MAG: variants seen among roughly 807,000 people sequenced by gnomAD.
MAG encodes myelin-associated glycoprotein.
MAG carries 30 observed loss-of-function variants against 60.7 expected under a neutral mutation model. The ratio of observed to expected loss-of-function variants is 0.49; its 90% confidence interval spans 0.37 to 0.67. MAG has a LOEUF of 0.67. Among genes scored for constraint, MAG ranks in the 30% least tolerant of loss-of-function variants. MAG has a pLI of 0.00. For missense variants in MAG, 795 were observed against 851.7 expected, an observed-to-expected ratio of 0.93 and a Z score of 0.83; for synonymous variants, 384 against 376.8, an observed-to-expected ratio of 1.02 and a Z score of -0.22.
In MAG at chr19:35,313,596, C is replaced by G; in HGVS notation, c.*142C>G. 1.3e-6 allele frequency: 1 copy of G among 767,928 alleles called. No homozygotes were observed. The highest frequency in any genetic ancestry group is 2.8e-5 in the East Asian group (1 of 35,776). 47.6% of individuals were successfully genotyped at this position (767,928 alleles called of 1,614,324 possible). On this transcript the variant is annotated 3_prime_UTR_variant, in exon 11 of 11. Transcript: ENST00000392213. ...CAGGTGACAGTGAGGTCCTGGGGGC[C>G]TGACCTCCCCCTCCTTCCCAGCTGC...
chr19:35,299,420 G>A, intron 4 of MAG, 134 bp from the exon 5 acceptor site: 2 of 633,408 alleles, frequency 3.2e-6, no homozygotes, highest in South Asian at 4.8e-5. Context: ...TCTGGAGGCA[G>A]GGAGCGGAGG....
At chr19:35,296,049 AGGCCTCCCCGCACCTTCCCCAGCAGGC>A (rs2066396116) in intron 4 of MAG, 68 bp downstream of exon 4, 1 of 1,508,816 alleles carries the variant, frequency 6.6e-7, no homozygotes, top group Admixed American at 2.2e-5. Flanking sequence ...TGTGGCCGGA[AGGCCTCCCCGCACCTTCCCCAGCAGGC>A]CTGGATGGCA....
rs765329481 is a variant in MAG, at chr19:35,295,398, C to T, written c.-11C>T. ...TCTCCCTTTCCAGCGATCACTCACT[C>T]GCTGTACAGAATGATATTCCTCACG... is the stretch of plus-strand genomic sequence containing the variant. On this transcript the variant is annotated 5_prime_UTR_variant, in exon 3 of 11. Coordinates refer to ENST00000392213, the MANE Select transcript of MAG (RefSeq NM_002361.4). This position sits in a 1 kb window ranked among gnomAD's most constrained non-coding sequence, Gnocchi z 5.8. The T allele has an allele frequency of 3.1e-6, 5 of 1,613,768 alleles. No homozygotes were observed. The highest frequency in any genetic ancestry group is 1.6e-4 in the Middle Eastern group (1 of 6,084).
intron 6 of MAG, among the ~76,000 whole-genome samples, chr19:35,301,992 T>C (rs2066452072): frequency 6.6e-6 from 1 of 152,190 alleles, no homozygotes; most frequent in African/African-American, 2.4e-5. Context: ...TGATTTTCCA[T>C]ACCCTCAGCC....
At position 35,310,023 on chromosome 19, in the gene MAG, G is replaced by C. The variant is rs774534161; in HGVS notation, c.1381G>C (p.Val461Leu). The change falls in exon 8 of 11, where the codon GTG becomes CTG. Residue 461 changes from valine to leucine, a missense_variant. Physicochemically the swap from Val to Leu is conservative, Grantham distance 32 (BLOSUM62 1). Coordinates refer to ENST00000392213, the MANE Select transcript of MAG (RefSeq NM_002361.4). ...VTVNESEREF[V>L]YSERSGLVLT... ...CGTGAACGAGAGCGAGCGGGAGTTCGTGTACTCGGAGCGCAGCGGCCTCGT... is the reference window on the plus strand; with the variant it reads ...CGTGAACGAGAGCGAGCGGGAGTTCCTGTACTCGGAGCGCAGCGGCCTCGT... The C allele has an allele frequency of 1.9e-6, 3 of 1,613,964 alleles. No homozygotes were observed. Among genetic ancestry groups the C allele is most frequent in the East Asian group, 2.2e-5 (1 of 44,882 alleles).
intron 10 of MAG, chr19:35,312,540 G>T: frequency 1.8e-6 from 1 of 556,936 alleles, no homozygotes; most frequent in Non-Finnish European, 3.2e-6. Context: ...GCTAGGGGGT[G>T]GAGGGAGGGG....
In MAG at chr19:35,302,543, A is replaced by G. The variant is rs200065400; in HGVS notation, c.1066A>G (p.Ile356Val). 1.2e-6 allele frequency: 2 copies of G among 1,614,216 alleles called. No individual in the cohort carries two copies. Among genetic ancestry groups the G allele is most frequent in the Non-Finnish European group, 1.7e-6 (2 of 1,180,042 alleles). Reference protein sequence around the residue: ...LCSTQSNPDPILTIFKEKQIL... With the variant: ...LCSTQSNPDPVLTIFKEKQIL... Reference sequence around the variant, plus strand: ...CTCCACACAGAGCAACCCGGACCCTATTCTCACCATCTTCAAGGAGAAGCA... The same window carrying G: ...CTCCACACAGAGCAACCCGGACCCTGTTCTCACCATCTTCAAGGAGAAGCA... The change falls in exon 7 of 11, where the codon ATT becomes GTT. Residue 356 changes from isoleucine (I) to valine (V), a missense_variant. Coordinates refer to ENST00000392213, the MANE Select transcript of MAG (RefSeq NM_002361.4).
intron 6 of MAG, among the ~76,000 whole-genome samples, chr19:35,301,888 A>C (rs996894123): frequency 7.1e-6 from 1 of 141,398 alleles, no homozygotes; most frequent in Admixed American, 6.9e-5. Flanking sequence ...TTGACATGCA[A>C]TCTTCCCCCC....
At chr19:35,309,555 C>T (rs886735012) in intron 7 of MAG, among the ~76,000 whole-genome samples, 4 of 152,160 alleles carry the variant, frequency 2.6e-5, no homozygotes, top group Admixed American at 2.0e-4. Flanking sequence ...GCTAGGATTA[C>T]AGCAGTGAGC....
In MAG at chr19:35,295,336, C is replaced by T. The variant is rs752470788; in HGVS notation, c.-23-50C>T. On this transcript the variant is annotated intron_variant, in intron 2 of 10. Coordinates refer to ENST00000392213, the MANE Select transcript of MAG (RefSeq NM_002361.4). The surrounding 1 kb of genome is among the most constrained non-coding windows in gnomAD (Gnocchi z 5.8). Reference sequence around the variant, plus strand: ...GCCCCTTCCTGAAGCCCAGATGGAACACCCCCTTTCACTTCCCCCAGCCTT... The same window carrying T: ...GCCCCTTCCTGAAGCCCAGATGGAATACCCCCTTTCACTTCCCCCAGCCTT... 6 of 1,514,606 alleles carry T rather than the reference C, an allele frequency of 4.0e-6. No individual in the cohort carries two copies. The African/African-American group carries it at 6.8e-5, about 17-fold the overall frequency. The allele number at this position is 1,514,606 out of a possible 1,614,324, so 93.8% of individuals were successfully genotyped here.
Position 35,301,577 on chromosome 19 carries a change from G to A in MAG, c.971-871G>A, listed in dbSNP as rs190409324. Among the ~76,000 whole-genome samples, 13 of 151,950 alleles carry A rather than the reference G, an allele frequency of 8.6e-5. No individual in the cohort carries two copies. The East Asian group carries it at 9.7e-4, about 11-fold the overall frequency. ...CTCCCGAGTAGCTAGAATTATAGGC[G>A]CACACCACCACACCTGGCTAATTTT... is the stretch of plus-strand genomic sequence containing the variant. On this transcript the variant is annotated intron_variant, in intron 6 of 10. Transcript: ENST00000392213.
chr19:35,302,615 C>T lies in MAG; in HGVS notation c.1138C>T (p.Pro380Ser), dbSNP rs201899456. 44 of 1,614,212 alleles carry T rather than the reference C, an allele frequency of 2.7e-5. No homozygotes were observed. Among genetic ancestry groups the T allele is most frequent in the Middle Eastern group, 3.3e-4 (2 of 6,062 alleles). The change falls in exon 7 of 11, where the codon CCG (proline) becomes TCG (serine). Residue 380 changes from proline (P) to serine (S), a missense_variant. Transcript: ENST00000392213. The part of the protein sequence containing the change: ...IYESELQLEL[P>S]AVSPEDDGEY... Reference sequence around the variant, plus strand: ...CGAGAGCGAGCTGCAGCTGGAGCTGCCGGCCGTGTCACCCGAGGATGATGG... The same window carrying T: ...CGAGAGCGAGCTGCAGCTGGAGCTGTCGGCCGTGTCACCCGAGGATGATGG...
rs1480468631 is a variant in MAG, at chr19:35,302,633, G to A, written c.1156G>A (p.Asp386Asn). ...QLELPAVSPE[D>N]DGEYWCVAEN... Reference sequence around the variant, plus strand: ...GGAGCTGCCGGCCGTGTCACCCGAGGATGATGGAGAGTACTGGTGTGTGGC... The same window carrying A: ...GGAGCTGCCGGCCGTGTCACCCGAGAATGATGGAGAGTACTGGTGTGTGGC... The change falls in exon 7 of 11, where the codon GAT becomes AAT. Residue 386 changes from aspartate to asparagine, a missense_variant. Coordinates refer to ENST00000392213, the MANE Select transcript of MAG (RefSeq NM_002361.4). The A allele has an allele frequency of 6.2e-7, 1 of 1,614,214 alleles. No homozygotes were observed. Among genetic ancestry groups the A allele is most frequent in the East Asian group, 2.2e-5 (1 of 44,876 alleles).
Position 35,299,718 on chromosome 19 carries a change from G to C in MAG, c.580G>C (p.Gly194Arg). Residue 194 changes from glycine (G) to arginine (R), a missense_variant, in exon 5 of 11, where the codon GGC becomes CGC. Gly to Arg is a moderately radical substitution (Grantham distance 125). Coordinates refer to ENST00000392213, the MANE Select transcript of MAG (RefSeq NM_002361.4). ...GCTGGGCCGGCTGCGGGAGGACGAG[G>C]GCACCTGGGTGCAGGTGTCACTGCT... ...AVLGRLREDE[G>R]TWVQVSLLHF... 1.3e-6 allele frequency: 2 copies of C among 1,573,832 alleles called. No individual in the cohort carries two copies. The highest frequency in any genetic ancestry group is 2.3e-5 in the South Asian group (2 of 86,466).
intron 4 of MAG, among the ~76,000 whole-genome samples, chr19:35,296,804 C>G (rs1201983989): frequency 2.6e-5 from 4 of 151,848 alleles, no homozygotes; most frequent in Non-Finnish European, 5.9e-5. Context: ...TCTACCTACA[C>G]ACTACCCACA....
At chr19:35,306,586 C>T (rs2066487360) in intron 7 of MAG, among the ~76,000 whole-genome samples, 1 of 151,986 alleles carries the variant, frequency 6.6e-6, no homozygotes, top group East Asian at 1.9e-4. Context: ...TACAGGCACA[C>T]ATCACCATGC....
chr19:35,309,121 G>A (rs527289725), intron 7 of MAG, among the ~76,000 whole-genome samples: 4 of 152,284 alleles, frequency 2.6e-5, no homozygotes, highest in Non-Finnish European at 4.4e-5. Flanking sequence ...CAGGAGAAAC[G>A]GCCCGTCCCT....
At chr19:35,312,086 T>C (rs1292108968) in intron 10 of MAG, 69 bp downstream of exon 10, 2 of 1,471,474 alleles carry the variant, frequency 1.4e-6, no homozygotes, top group East Asian at 4.6e-5. Context: ...GGGAAAGGCC[T>C]GTGAGGCCAA....
rs1016669027 is a variant in MAG at position 35,293,766 on chromosome 19, C to T, written c.-79-469C>T. On this transcript the variant is annotated intron_variant, in intron 1 of 10. Transcript: ENST00000392213. The surrounding 1 kb of genome is among the most constrained non-coding windows in gnomAD (Gnocchi z 4.0). ...CCCGCAGGCTAAAACACCCTCTCCC[C>T]GAGGGAACAGGACTCTTTTGTACCG... is the stretch of plus-strand genomic sequence containing the variant. 2.0e-5 allele frequency among the ~76,000 whole-genome samples: 3 copies of T among 152,054 alleles called. No homozygotes were observed. Among genetic ancestry groups the T allele is most frequent in the East Asian group, 3.9e-4 (2 of 5,176 alleles).
Sources: gnomAD v4.1 joint callset for allele counts (sites outside exome capture counted in the v4.1 genomes callset) on GRCh38, gnomAD v4.1.1 for gene constraint, Gnocchi (gnomAD v3.1) non-coding constraint, MANE v1.5 for transcripts, NCBI Gene and HGNC (gene_info 2026-07-23, HGNC 2026-07-21) for gene names.